Variants in TRPM3 observed in about 807,000 individuals in gnomAD.
TRPM3 encodes the protein transient receptor potential cation channel subfamily M member 3, also known as long transient receptor potential channel 3.
TRPM3 carries 77 observed loss-of-function variants against 181.2 expected under a neutral mutation model. That is an observed-to-expected ratio of 0.42 (90% CI 0.35 to 0.51). The LOEUF is 0.51. TRPM3 is among the 20% of genes least tolerant of loss of function. The probability of loss-of-function intolerance (pLI) is 0.01; values close to 1 mark genes in which losing one functional copy is unlikely to be tolerated. For missense variants in TRPM3, 1,759 were observed against 2,196.7 expected (o/e 0.80, Z 3.98); for synonymous variants, 745 against 796.4 (o/e 0.94, Z 1.09).
At position 70,641,267 on chromosome 9, in the gene TRPM3, C is replaced by A. The variant is rs763483075; in HGVS notation, c.1346-607G>T. On this transcript the variant is annotated intron_variant, in intron 9 of 25. Coordinates refer to ENST00000677713, the MANE Select transcript of TRPM3 (RefSeq NM_001366145.2). ...TGTCCCCGACCCACTAAACCAGAAT[C>A]CGTATTTTCACAAGATCCCAGATGA... Among the ~76,000 whole-genome samples the A allele has an allele frequency of 2.0e-5, 3 of 152,164 alleles. No individual in the cohort carries two copies. The South Asian group carries it at 6.2e-4, about 32-fold the overall frequency.
At chr9:70,699,205 A>G (rs1246001543) in intron 8 of TRPM3, among the ~76,000 whole-genome samples, 1 of 152,198 alleles carries the variant, frequency 6.6e-6, no homozygotes, top group East Asian at 1.9e-4. Flanking sequence ...AAGCTGTGAT[A>G]AAAGTGACAA....
chr9:71,332,376 G>GCGCGCGTGT lies in TRPM3; in HGVS notation c.183+114276_183+114277insACACGCGCG, dbSNP rs2090261288. On this transcript the variant is annotated intron_variant, in intron 1 of 24. Transcript: ENST00000357533. ...TCTAGGTCAGTGGTTTTCAATGTTGGGTGTGTGTGTGTGTGTGTGTGTGTG... is the reference window on the plus strand; with the variant it reads ...TCTAGGTCAGTGGTTTTCAATGTTGGCGCGCGTGTGTGTGTGTGTGTGTGTGTGTGTGTG... Among the ~76,000 whole-genome samples the GCGCGCGTGT allele has an allele frequency of 7.3e-4, 104 of 142,324 alleles. 1 individual carries two copies. Among genetic ancestry groups the GCGCGCGTGT allele is most frequent in the South Asian group, 4.4e-3 (19 of 4,344 alleles). The allele number at this position is 142,324 out of a possible 152,430, so 93.4% of individuals were successfully genotyped here.
intron 19 of TRPM3, 24 bp from the exon 20 acceptor site, chr9:70,603,494 C>T (rs1210855041): frequency 6.2e-7 from 1 of 1,611,880 alleles, no homozygotes; most frequent in South Asian, 1.1e-5. Flanking sequence ...CAATACAGTG[C>T]TCTGGCTGTT....
intron 7 of TRPM3, among the ~76,000 whole-genome samples, chr9:70,777,756 A>G (rs1323917169): frequency 1.3e-5 from 2 of 152,162 alleles, no homozygotes; most frequent in Non-Finnish European, 1.5e-5. Flanking sequence ...GAGGAAAGTT[A>G]TACTACTTTT....
rs139785811 is a variant in TRPM3, at chr9:71,234,992, G to A, written c.183+211661C>T. Among the ~76,000 whole-genome samples, 970 of 152,274 alleles carry A rather than the reference G, an allele frequency of 6.4e-3. 4 individuals carry two copies. Among genetic ancestry groups the A allele is most frequent in the Non-Finnish European group, 9.7e-3 (662 of 68,034 alleles). On this transcript the variant is annotated intron_variant, in intron 1 of 24. Coordinates refer to the TRPM3 transcript ENST00000357533. ...AAGTTCTGAGAAGGTAAGTACTAACGTCAAATTCCTTCTCATGAACAGCAG... is the reference window on the plus strand; with the variant it reads ...AAGTTCTGAGAAGGTAAGTACTAACATCAAATTCCTTCTCATGAACAGCAG...
chr9:71,236,606 G>C (rs984101279), intron 1 of TRPM3, among the ~76,000 whole-genome samples: 3 of 152,138 alleles, frequency 2.0e-5, no homozygotes, highest in Non-Finnish European at 4.4e-5. Context: ...TCACACTTCA[G>C]GTCATAAGAG....
intron 1 of TRPM3, among the ~76,000 whole-genome samples, chr9:71,047,708 G>A (rs1807931734): frequency 6.6e-6 from 1 of 152,088 alleles, no homozygotes; most frequent in Non-Finnish European, 1.5e-5. Context: ...AAGCTAGAAT[G>A]GCTAAATATG....
At chr9:70,967,132 G>T (rs1214417907) in intron 1 of TRPM3, among the ~76,000 whole-genome samples, 8 of 152,014 alleles carry the variant, frequency 5.3e-5, no homozygotes, top group Admixed American at 5.3e-4. Flanking sequence ...TAAAACTGTG[G>T]TTTTCTCACA....
chr9:70,557,827 C>T (rs2048097014), intron 22 of TRPM3, among the ~76,000 whole-genome samples: 1 of 152,192 alleles, frequency 6.6e-6, no homozygotes, highest in South Asian at 2.1e-4. Flanking sequence ...TACCAAGTGG[C>T]ATGTTGTCAC....
chr9:70,813,458 GC>G (rs765036232), intron 6 of TRPM3, among the ~76,000 whole-genome samples: 3 of 152,058 alleles, frequency 2.0e-5, no homozygotes, highest in Non-Finnish European at 4.4e-5. Context: ...ATAAGTGGGG[GC>G]TAAATCTTGG....
At chr9:71,137,964 A>C (rs994833212) in intron 1 of TRPM3, among the ~76,000 whole-genome samples, 1 of 152,024 alleles carries the variant, frequency 6.6e-6, no homozygotes, top group Non-Finnish European at 1.5e-5. Flanking sequence ...AAATGCAAAA[A>C]TTAGCCAGGT....
intron 1 of TRPM3, among the ~76,000 whole-genome samples, chr9:70,995,589 G>T (rs1200538569): frequency 6.6e-6 from 1 of 151,912 alleles, no homozygotes; most frequent in East Asian, 1.9e-4. Flanking sequence ...TCTCCCATTA[G>T]GCTGTGGCAC....
chr9:70,559,147 T>C lies in TRPM3; in HGVS notation c.3224-5837A>G, dbSNP rs371708773. On this transcript the variant is annotated intron_variant, in intron 22 of 25. Coordinates refer to ENST00000677713, the MANE Select transcript of TRPM3 (RefSeq NM_001366145.2). ...GGAATATAAGCCTCACAGGGCAAGA[T>C]TTTTGTCTCTCTTGTTCACTAAACA... Among the ~76,000 whole-genome samples, 5 of 152,296 alleles carry C rather than the reference T, an allele frequency of 3.3e-5. No homozygotes were observed. The South Asian group carries it at 8.3e-4, about 25-fold the overall frequency.
chr9:71,073,248 G>T (rs1047924021), intron 1 of TRPM3, among the ~76,000 whole-genome samples: 2 of 152,110 alleles, frequency 1.3e-5, no homozygotes, highest in Admixed American at 6.6e-5. Flanking sequence ...GAGAATGAAC[G>T]GGAGGAGGAG....
chr9:71,046,454 A>G (rs1022294857), intron 1 of TRPM3, among the ~76,000 whole-genome samples: 2 of 152,218 alleles, frequency 1.3e-5, no homozygotes, highest in African/African-American at 4.8e-5. Context: ...TATCTTGTAA[A>G]TGGAAGAAAT....
At chr9:71,142,482 A>T (rs1482824149) in intron 1 of TRPM3, among the ~76,000 whole-genome samples, 1 of 152,108 alleles carries the variant, frequency 6.6e-6, no homozygotes, top group Admixed American at 6.6e-5. Context: ...TTACATTTTC[A>T]TATATACATA....
chr9:70,695,478 T>A (rs561372381), intron 8 of TRPM3, among the ~76,000 whole-genome samples: 32 of 152,352 alleles, frequency 2.1e-4, no homozygotes, highest in African/African-American at 4.8e-4. Flanking sequence ...TTGCCCAGTC[T>A]GTTCTCTCTG....
At chr9:71,183,096 T>C (rs756950910) in intron 1 of TRPM3, among the ~76,000 whole-genome samples, 5 of 152,126 alleles carry the variant, frequency 3.3e-5, no homozygotes, top group South Asian at 2.1e-4. Flanking sequence ...AGGTAGTAAA[T>C]AGTCAGGGCT....
intron 1 of TRPM3, among the ~76,000 whole-genome samples, chr9:71,010,162 T>C (rs116221154): frequency 2.0e-3 from 299 of 152,176 alleles, no homozygotes; most frequent in African/African-American, 5.6e-3. Context: ...TTTCATGAAA[T>C]TGGACTGGTC....
Sources: allele counts gnomAD v4.1 joint callset (sites outside exome capture counted in the v4.1 genomes callset), GRCh38; gene constraint gnomAD v4.1.1; transcripts MANE v1.5; gene names NCBI Gene and HGNC (gene_info 2026-07-23, HGNC 2026-07-21).